SPICE1: variants seen among roughly 807,000 people sequenced by gnomAD.
SPICE1 encodes the protein spindle and centriole associated protein 1.
SPICE1 carries 75 observed loss-of-function variants against 102.7 expected under a neutral mutation model. The ratio of observed to expected loss-of-function variants is 0.73; its 90% confidence interval spans 0.61 to 0.88. The LOEUF (loss-of-function observed/expected upper bound fraction) is 0.88, where lower values mean the gene tolerates loss of function less well. Among genes scored for constraint, SPICE1 ranks in the 40% least tolerant of loss-of-function variants. The pLI, the probability that SPICE1 is intolerant of heterozygous loss-of-function variation, is 0.00. For missense variants in SPICE1, 979 were observed against 1,020.1 expected (o/e 0.96, Z 0.55); for synonymous variants, 308 against 350.3 (o/e 0.88, Z 1.35).
At chr3:113,447,179 C>G (rs935047411) in intron 16 of SPICE1, among the ~76,000 whole-genome samples, 10 of 152,134 alleles carry the variant, frequency 6.6e-5, no homozygotes, top group Non-Finnish European at 5.9e-5. Context: ...TTCCCAATCT[C>G]AGTTATGTTT....
At chr3:113,503,114 A>G (rs1937040198) in intron 3 of SPICE1, 66 bp downstream of exon 3, 15 of 1,514,282 alleles carry the variant, frequency 9.9e-6, no homozygotes, top group African/African-American at 1.4e-5. Context: ...TTCTATTCTA[A>G]AGGTTACAAG....
At position 113,457,125 on chromosome 3, in the gene SPICE1, A is replaced by G. The variant is rs1935794996; in HGVS notation, c.1657+11T>C. ...AAAACAACTTTCATGTAACTTTAGA[A>G]GAAGACTTACCGTCCTGAAGAGGAG... On this transcript the variant is annotated intron_variant, in intron 13 of 17. Coordinates refer to ENST00000295872, the MANE Select transcript of SPICE1 (RefSeq NM_144718.4). The G allele has an allele frequency of 6.2e-7, 1 of 1,610,054 alleles. No individual in the cohort carries two copies. Among genetic ancestry groups the G allele is most frequent in the Non-Finnish European group, 8.5e-7 (1 of 1,177,092 alleles).
chr3:113,508,214 G>T (rs925486725), intron 1 of SPICE1, among the ~76,000 whole-genome samples: 3 of 152,094 alleles, frequency 2.0e-5, no homozygotes, highest in African/African-American at 7.2e-5. Flanking sequence ...TGAGCCGTGG[G>T]TTAAGCAATG....
intron 14 of SPICE1, among the ~76,000 whole-genome samples, chr3:113,452,555 G>A (rs1024319345): frequency 1.3e-5 from 2 of 152,008 alleles, no homozygotes; most frequent in South Asian, 2.1e-4. Context: ...GTGGTAGTAC[G>A]CACCTGTAAT....
At chr3:113,483,136 G>C (rs2107483781) in intron 7 of SPICE1, among the ~76,000 whole-genome samples, 1 of 152,204 alleles carries the variant, frequency 6.6e-6, no homozygotes, top group South Asian at 2.1e-4. Flanking sequence ...TTGTAAGTTG[G>C]ATTCCTAGGT....
intron 6 of SPICE1, among the ~76,000 whole-genome samples, chr3:113,492,531 C>T (rs1559972627): frequency 6.6e-6 from 1 of 152,236 alleles, no homozygotes; most frequent in Non-Finnish European, 1.5e-5. Context: ...TAATACAATT[C>T]TCCCATATAA....
intron 3 of SPICE1, 98 bp downstream of exon 3, chr3:113,503,082 A>T (rs966057094): frequency 2.6e-5 from 33 of 1,265,796 alleles, no homozygotes; most frequent in Non-Finnish European, 3.6e-5. Flanking sequence ...TAACTGAACA[A>T]CTTCCAGGAA....
chr3:113,470,971 T>C (rs771923771), intron 7 of SPICE1, among the ~76,000 whole-genome samples: 7 of 152,216 alleles, frequency 4.6e-5, no homozygotes, highest in Non-Finnish European at 1.0e-4. Flanking sequence ...ATGGAGAATT[T>C]TGCACCAGGA....
At chr3:113,492,902 G>A (rs1936796315) in intron 6 of SPICE1, among the ~76,000 whole-genome samples, 1 of 152,292 alleles carries the variant, frequency 6.6e-6, no homozygotes, top group South Asian at 2.1e-4. Context: ...CATCTCTGAT[G>A]CAAACTATGT....
intron 2 of SPICE1, among the ~76,000 whole-genome samples, chr3:113,505,710 G>A (rs1250920532): frequency 2.0e-5 from 3 of 152,236 alleles, no homozygotes; most frequent in South Asian, 2.1e-4. Context: ...AGACCAACCT[G>A]GGCAACACAG....
At position 113,514,955 on chromosome 3, in the gene SPICE1, G is replaced by T. The variant is rs964086877; in HGVS notation, c.-59C>A. ...TTCCTGAAGTAAGGATTCCCCAACCGGGCGCCTGGATCCCAGGCAACAGAC... is the reference window on the plus strand; with the variant it reads ...TTCCTGAAGTAAGGATTCCCCAACCTGGCGCCTGGATCCCAGGCAACAGAC... On this transcript the variant is annotated 5_prime_UTR_variant, in exon 1 of 18. Coordinates refer to ENST00000295872, the MANE Select transcript of SPICE1 (RefSeq NM_144718.4). 1 of 921,098 alleles carries T rather than the reference G, an allele frequency of 1.1e-6. No homozygotes were observed. Among genetic ancestry groups the T allele is most frequent in the Non-Finnish European group, 1.4e-6 (1 of 706,024 alleles). 57.1% of individuals were successfully genotyped at this position (921,098 alleles called of 1,614,324 possible).
intron 12 of SPICE1, chr3:113,460,370 A>G (rs374962495): frequency 3.3e-6 from 3 of 917,728 alleles, no homozygotes; most frequent in African/African-American, 3.6e-5. Context: ...GGGGATAACA[A>G]TAACACCTAC....
intron 7 of SPICE1, among the ~76,000 whole-genome samples, chr3:113,477,550 C>T (rs796416261): frequency 6.7e-6 from 1 of 150,276 alleles, no homozygotes; most frequent in African/African-American, 2.5e-5. Flanking sequence ...TGTCCAACAA[C>T]GATAGACTGG....
intron 16 of SPICE1, among the ~76,000 whole-genome samples, chr3:113,447,797 T>G (rs1453889570): frequency 6.6e-6 from 1 of 152,220 alleles, no homozygotes; most frequent in Admixed American, 6.5e-5. Context: ...CCGTAAGTAC[T>G]CTACATACGT....
chr3:113,451,680 A>G (rs1355271593), intron 14 of SPICE1, among the ~76,000 whole-genome samples: 2 of 152,192 alleles, frequency 1.3e-5, no homozygotes, highest in African/African-American at 4.8e-5. Flanking sequence ...CAAAACTACA[A>G]ATATATAAAT....
chr3:113,504,490 T>A (rs1937069125), intron 2 of SPICE1, among the ~76,000 whole-genome samples: 1 of 147,366 alleles, frequency 6.8e-6, no homozygotes, highest in Admixed American at 6.8e-5. Context: ...ACCCAGGAGG[T>A]TCAGGAGGCC....
At chr3:113,454,883 A>G (rs1935745517) in intron 13 of SPICE1, among the ~76,000 whole-genome samples, 1 of 152,142 alleles carries the variant, frequency 6.6e-6, no homozygotes, top group African/African-American at 2.4e-5. Flanking sequence ...GACTTCAAAA[A>G]CCAGAACCTT....
At chr3:113,510,407 CT>C (rs1937195923) in intron 1 of SPICE1, among the ~76,000 whole-genome samples, 1 of 152,162 alleles carries the variant, frequency 6.6e-6, no homozygotes, top group Non-Finnish European at 1.5e-5. Flanking sequence ...CAGCATGGTA[CT>C]GCTACAAAAG....
intron 7 of SPICE1, among the ~76,000 whole-genome samples, chr3:113,484,212 TGG>T (rs977424965): frequency 6.6e-6 from 1 of 152,200 alleles, no homozygotes; most frequent in African/African-American, 2.4e-5. Flanking sequence ...TGTATTTCTG[TGG>T]GATCAGTGGT....
Sources: gnomAD v4.1 joint callset for allele counts (sites outside exome capture counted in the v4.1 genomes callset) on GRCh38, gnomAD v4.1.1 for gene constraint, MANE v1.5 for transcripts, NCBI Gene and HGNC (gene_info 2026-07-23, HGNC 2026-07-21) for gene names.